The following M1AP variants were observed in gnomAD, a reference collection of about 807,000 sequenced individuals.
M1AP encodes meiosis 1 arrest protein.
M1AP carries 39 observed loss-of-function variants against 51.2 expected under a neutral mutation model. That is an observed-to-expected ratio of 0.76 (90% confidence interval 0.59 to 1.00). The LOEUF (loss-of-function observed/expected upper bound fraction) is 1.00, where lower values mean the gene tolerates loss of function less well. Ranked by LOEUF, M1AP falls within the 50% of genes least tolerant of loss-of-function variation. The probability of loss-of-function intolerance (pLI) is 0.00; values close to 1 mark genes in which losing one functional copy is unlikely to be tolerated. For synonymous variants in M1AP, 251 were observed against 249.2 expected, an observed-to-expected ratio of 1.01 and a Z score of -0.07; for missense variants, 545 against 641.2, an observed-to-expected ratio of 0.85 and a Z score of 1.62.
intron 2 of M1AP, among the ~76,000 whole-genome samples, chr2:74,626,607 G>C (rs974168007): frequency 1.3e-5 from 2 of 152,094 alleles, no homozygotes; most frequent in African/African-American, 2.4e-5. Context: ...TCACTGTGTG[G>C]TTTGTTTCCT....
chr2:74,576,003 G>C (rs551628050), intron 6 of M1AP, among the ~76,000 whole-genome samples: 42 of 152,258 alleles, frequency 2.8e-4, no homozygotes, highest in African/African-American at 8.7e-4. Context: ...ACAGGCATGA[G>C]CCACCGTGCC....
intron 5 of M1AP, chr2:74,576,976 A>C: frequency 2.0e-6 from 2 of 1,001,138 alleles, no homozygotes; most frequent in Non-Finnish European, 2.4e-6. Context: ...TCTGTGGAGG[A>C]GGTAGCTAAT....
intron 4 of M1AP, among the ~76,000 whole-genome samples, chr2:74,591,923 T>G (rs1387248038): frequency 2.0e-5 from 3 of 152,034 alleles, no homozygotes; most frequent in African/African-American, 7.2e-5. Flanking sequence ...GTAGCTGGGA[T>G]TACAGGCGCC....
At chr2:74,594,254 A>C (rs1680202525) in intron 4 of M1AP, among the ~76,000 whole-genome samples, 1 of 152,234 alleles carries the variant, frequency 6.6e-6, no homozygotes, top group African/African-American at 2.4e-5. Context: ...ACTGAGACAG[A>C]AAACTATGAC....
intron 10 of M1AP, 113 bp downstream of exon 10, chr2:74,559,585 C>T: frequency 1.5e-6 from 1 of 688,242 alleles, no homozygotes; most frequent in Non-Finnish European, 2.7e-6. Context: ...TCCTCAATCA[C>T]TCTTCCCTCT....
intron 3 of M1AP, among the ~76,000 whole-genome samples, chr2:74,608,287 T>C (rs1029052683): frequency 2.0e-5 from 3 of 152,214 alleles, no homozygotes; most frequent in African/African-American, 4.8e-5. Context: ...CTTTTTACTA[T>C]ATCACCATAG....
intron 1 of M1AP, among the ~76,000 whole-genome samples, chr2:74,641,377 G>A (rs545221698): frequency 6.6e-6 from 1 of 152,306 alleles, no homozygotes; most frequent in Non-Finnish European, 1.5e-5. Flanking sequence ...TATAAGGAAT[G>A]AGAAAGGGAC....
At chr2:74,561,082 G>A (rs868468163) in intron 8 of M1AP, among the ~76,000 whole-genome samples, 1,880 of 71,966 alleles carry the variant, frequency 0.026, 75 homozygotes, top group African/African-American at 0.097. Context: ...GGAGGAGGAG[G>A]AGGAGGAGAA....
At chr2:74,576,784 C>G (rs1573083785) in intron 5 of M1AP, 166 bp from the exon 6 acceptor site, 1 of 1,248,648 alleles carries the variant, frequency 8.0e-7, no homozygotes, top group East Asian at 2.6e-5. Flanking sequence ...AAGAGGAAAG[C>G]CTGACTGGTT....
At position 74,621,674 on chromosome 2, in the gene M1AP, T is replaced by A. The variant is rs192111207; in HGVS notation, c.241-6525A>T. Among the ~76,000 whole-genome samples the A allele has an allele frequency of 1.9e-3, 284 of 151,818 alleles. 1 individual carries two copies. The highest frequency in any genetic ancestry group is 6.0e-3 in the African/African-American group (248 of 41,400). On this transcript the variant is annotated intron_variant, in intron 2 of 10. Coordinates refer to ENST00000421985, the MANE Select transcript of M1AP (RefSeq NM_001321739.2). ...CGGGCATGGTGGCGGGTGCCTGTAG[T>A]CCCAGCTACTCGGGAGGCTGAGGCA... is the stretch of plus-strand genomic sequence containing the variant.
intron 1 of M1AP, chr2:74,647,195 C>T (rs1683660814): frequency 1.0e-6 from 1 of 984,324 alleles, no homozygotes; most frequent in Non-Finnish European, 1.2e-6. Flanking sequence ...TACCCTGGCC[C>T]TAAAGTTCTG....
intron 7 of M1AP, among the ~76,000 whole-genome samples, chr2:74,563,284 C>T (rs948851561): frequency 1.3e-5 from 2 of 152,062 alleles, no homozygotes; most frequent in African/African-American, 4.8e-5. Context: ...GCAGTGAAAG[C>T]AGCCTGCAAA....
At chr2:74,639,782 TCTCC>T (rs1683186503) in intron 2 of M1AP, among the ~76,000 whole-genome samples, 1 of 152,218 alleles carries the variant, frequency 6.6e-6, no homozygotes, top group South Asian at 2.1e-4. Flanking sequence ...CCAAGGTTTC[TCTCC>T]CTCTCTCTGG....
chr2:74,593,712 G>A (rs1447118500), intron 4 of M1AP, among the ~76,000 whole-genome samples: 1 of 152,162 alleles, frequency 6.6e-6, no homozygotes, highest in African/African-American at 2.4e-5. Flanking sequence ...CTACCTGAAG[G>A]CTCTGCAGAA....
rs902791378 is a variant in M1AP, at chr2:74,640,540, A to G, written c.-52-213T>C. 4.7e-5 allele frequency among the ~76,000 whole-genome samples: 7 copies of G among 150,012 alleles called. No individual in the cohort carries two copies. The East Asian group carries it at 1.4e-3, about 30-fold the overall frequency. On this transcript the variant is annotated intron_variant, in intron 1 of 10. Coordinates refer to ENST00000421985, the MANE Select transcript of M1AP (RefSeq NM_001321739.2). ...CAGTGGTGCGATCTTGGCTCACTGC[A>G]ACCTCTGTCTCCCAGGTTCAAGCGA... is the stretch of plus-strand genomic sequence containing the variant.
intron 7 of M1AP, among the ~76,000 whole-genome samples, chr2:74,566,675 C>T (rs1230127632): frequency 7.8e-6 from 1 of 127,768 alleles, no homozygotes; most frequent in African/African-American, 2.9e-5. Context: ...ACACTGTAAC[C>T]TCCATCATTC....
chr2:74,634,009 T>C (rs1010892208), intron 2 of M1AP, among the ~76,000 whole-genome samples: 1 of 152,170 alleles, frequency 6.6e-6, no homozygotes, highest in African/African-American at 2.4e-5. Context: ...GAAAATAAAA[T>C]CTAAAATACT....
At chr2:74,607,482 CT>C (rs541184338) in intron 3 of M1AP, among the ~76,000 whole-genome samples, 4 of 151,232 alleles carry the variant, frequency 2.6e-5, no homozygotes, top group African/African-American at 7.3e-5. Context: ...ATGTTTTAGT[CT>C]TTTTTTTTGA....
At chr2:74,628,390 T>G (rs1049052854) in intron 2 of M1AP, 3 of 382,426 alleles carry the variant, frequency 7.8e-6, no homozygotes, top group Non-Finnish European at 1.6e-5. Flanking sequence ...GAGGTAGCCA[T>G]GTTGGTTAAA....
Sources: allele counts gnomAD v4.1 joint callset (sites outside exome capture counted in the v4.1 genomes callset), GRCh38; gene constraint gnomAD v4.1.1; transcripts MANE v1.5; gene names NCBI Gene and HGNC (gene_info 2026-07-23, HGNC 2026-07-21).